Variants in EPB41L2 observed in about 807,000 individuals in gnomAD.
EPB41L2 encodes erythrocyte membrane protein band 4.1 like 2, also known as band 4.1-like protein 2.
In EPB41L2, 43 loss-of-function variants were observed where a neutral mutation model predicts 113.0. The ratio of observed to expected loss-of-function variants is 0.38; its 90% CI spans 0.30 to 0.49. The LOEUF is 0.49. EPB41L2 is among the 20% of genes least tolerant of loss of function. The probability of loss-of-function intolerance (pLI) is 0.95; values close to 1 mark genes in which losing one functional copy is unlikely to be tolerated. For missense variants in EPB41L2, 1,147 were observed against 1,223.4 expected (o/e 0.94, Z 0.93); for synonymous variants, 442 against 436.7 (o/e 1.01, Z -0.15).
At chr6:131,001,812 A>C (rs957738603) in intron 1 of EPB41L2, among the ~76,000 whole-genome samples, 19 of 152,172 alleles carry the variant, frequency 1.2e-4, no homozygotes, top group African/African-American at 4.3e-4. Context: ...TTAGACTTTC[A>C]AAACTAAATT....
intron 12 of EPB41L2, among the ~76,000 whole-genome samples, chr6:130,884,330 C>T (rs1365156736): frequency 6.6e-6 from 1 of 151,962 alleles, no homozygotes; most frequent in Non-Finnish European, 1.5e-5. Flanking sequence ...AGCGAAACTT[C>T]ATCTCGAAAA....
chr6:130,878,282 A>C, intron 13 of EPB41L2, 32 bp from the exon 14 acceptor site: 1 of 1,580,096 alleles, frequency 6.3e-7, no homozygotes, highest in South Asian at 1.2e-5. Flanking sequence ...AAGGGGGGAA[A>C]AATCCAAAAG....
At chr6:130,854,231 C>T (rs1330702455) in intron 19 of EPB41L2, among the ~76,000 whole-genome samples, 1 of 152,092 alleles carries the variant, frequency 6.6e-6, no homozygotes, top group African/African-American at 2.4e-5. Context: ...TCCTGGAGCA[C>T]ATCCTCTCTG....
intron 1 of EPB41L2, among the ~76,000 whole-genome samples, chr6:131,039,294 T>G (rs1042811259): frequency 1.3e-5 from 2 of 152,192 alleles, no homozygotes; most frequent in Non-Finnish European, 2.9e-5. Context: ...AACTGTAAAA[T>G]ACGTGGGAAC....
intron 8 of EPB41L2, among the ~76,000 whole-genome samples, chr6:130,898,703 T>C (rs1795378483): frequency 6.6e-6 from 1 of 152,056 alleles, no homozygotes; most frequent in South Asian, 2.1e-4. Flanking sequence ...CGTTTATGCT[T>C]GCAAAAAAAA....
intron 4 of EPB41L2, among the ~76,000 whole-genome samples, chr6:130,923,217 T>A (rs1803467371): frequency 6.6e-6 from 1 of 152,160 alleles, no homozygotes; most frequent in Admixed American, 6.6e-5. Context: ...AAAACCTTAC[T>A]CAAGGCTACT....
chr6:130,840,966 T>C (rs1775278868), intron 19 of EPB41L2, among the ~76,000 whole-genome samples: 2 of 152,206 alleles, frequency 1.3e-5, no homozygotes, highest in Admixed American at 1.3e-4. Context: ...ATTTTCTTTG[T>C]GCTAAAACGA....
chr6:131,004,732 C>T (rs181946733), intron 1 of EPB41L2, among the ~76,000 whole-genome samples: 1 of 152,248 alleles, frequency 6.6e-6, no homozygotes, highest in East Asian at 1.9e-4. Flanking sequence ...TGAACTCCAA[C>T]AGACTAGGGG....
intron 19 of EPB41L2, among the ~76,000 whole-genome samples, chr6:130,847,255 C>T (rs182295851): frequency 1.3e-5 from 2 of 152,310 alleles, no homozygotes; most frequent in Admixed American, 6.5e-5. Flanking sequence ...TTCCTGCAAC[C>T]TTTCTGGAGA....
chr6:131,002,188 G>A (rs970765530), intron 1 of EPB41L2, among the ~76,000 whole-genome samples: 1 of 151,962 alleles, frequency 6.6e-6, no homozygotes, highest in Non-Finnish European at 1.5e-5. Context: ...GCATTCCTTC[G>A]ATCACCAGTG....
At chr6:131,053,546 C>T (rs1165689689) in intron 1 of EPB41L2, among the ~76,000 whole-genome samples, 3 of 151,614 alleles carry the variant, frequency 2.0e-5, no homozygotes, top group East Asian at 1.9e-4. Context: ...CACAGCCCTT[C>T]GTATTTATTG....
chr6:131,008,916 C>T (rs1208236887), intron 1 of EPB41L2, among the ~76,000 whole-genome samples: 1 of 152,148 alleles, frequency 6.6e-6, no homozygotes, highest in Non-Finnish European at 1.5e-5. Flanking sequence ...TTTACAGGCT[C>T]ATAGGCCGAA....
chr6:130,990,796 G>T (rs1016876692), intron 1 of EPB41L2, among the ~76,000 whole-genome samples: 2 of 151,806 alleles, frequency 1.3e-5, no homozygotes, highest in African/African-American at 4.8e-5. Context: ...ATGTTCTAAA[G>T]GTGCTTATAA....
chr6:130,978,329 C>T (rs1024433477), intron 1 of EPB41L2, among the ~76,000 whole-genome samples: 1 of 152,238 alleles, frequency 6.6e-6, no homozygotes. Context: ...GGGGCCCTCT[C>T]CTCACTTCAC....
At chr6:130,887,141 G>A (rs1791297052) in intron 11 of EPB41L2, among the ~76,000 whole-genome samples, 1 of 152,150 alleles carries the variant, frequency 6.6e-6, no homozygotes, top group Non-Finnish European at 1.5e-5. Flanking sequence ...CAAATTAAAA[G>A]TTATTAAAGT....
At chr6:131,023,770 T>G (rs1790172333) in intron 1 of EPB41L2, among the ~76,000 whole-genome samples, 1 of 135,564 alleles carries the variant, frequency 7.4e-6, no homozygotes, top group African/African-American at 2.5e-5. Flanking sequence ...TATAGATATA[T>G]AGATATATAG....
chr6:130,935,229 T>C (rs1041411836), intron 3 of EPB41L2, among the ~76,000 whole-genome samples: 1 of 152,200 alleles, frequency 6.6e-6, no homozygotes, highest in Admixed American at 6.5e-5. Flanking sequence ...TAACCTGCAA[T>C]CATTTAAAAG....
At chr6:130,921,756 C>T (rs933725195) in intron 4 of EPB41L2, among the ~76,000 whole-genome samples, 5 of 152,180 alleles carry the variant, frequency 3.3e-5, no homozygotes, top group African/African-American at 1.2e-4. Flanking sequence ...GGTAGTAAAA[C>T]TTGCAAGTGT....
Position 130,878,265 on chromosome 6 carries a change from C to A in EPB41L2, c.1897-15G>T. On this transcript the variant is annotated splice_polypyrimidine_tract_variant and intron_variant, in intron 13 of 19. Transcript: ENST00000337057. Reference sequence around the variant, plus strand: ...TTATCCAGTTCCTAGCAATATGTAACGTAACAAAGGGGGGAAAAATCCAAA... The same window carrying A: ...TTATCCAGTTCCTAGCAATATGTAAAGTAACAAAGGGGGGAAAAATCCAAA... 1 of 1,583,806 alleles carries A rather than the reference C, an allele frequency of 6.3e-7. No homozygotes were observed. Among genetic ancestry groups the A allele is most frequent in the African/African-American group, 1.4e-5 (1 of 72,812 alleles).
Sources: allele counts gnomAD v4.1 joint callset (sites outside exome capture counted in the v4.1 genomes callset), GRCh38; gene constraint gnomAD v4.1.1; transcripts MANE v1.5; gene names NCBI Gene and HGNC (gene_info 2026-07-23, HGNC 2026-07-21).